Variants in SLC29A1 observed in about 807,000 individuals in gnomAD.
SLC29A1 encodes equilibrative nucleoside transporter 1.
In SLC29A1, 22 loss-of-function variants were observed where a neutral mutation model predicts 48.3. The observed-to-expected ratio is 0.46, with a 90% confidence interval of 0.33 to 0.65. SLC29A1 has a LOEUF of 0.65. SLC29A1 is among the 30% of genes least tolerant of loss of function. The pLI, the probability that SLC29A1 is intolerant of heterozygous loss-of-function variation, is 0.03. For missense variants in SLC29A1, 491 were observed against 575.3 expected, an observed-to-expected ratio of 0.85 and a Z score of 1.50; for synonymous variants, 228 against 231.0, an observed-to-expected ratio of 0.99 and a Z score of 0.12.
In SLC29A1 at chr6:44,229,596, C is replaced by T. The variant is rs1156270197; in HGVS notation, c.119C>T (p.Thr40Ile). ...NFFMTATQYF[T>I]NRLDMSQNVS... ...TCTCTGCAACCCCTGCAGTATTTCACAAACCGCCTGGACATGTCCCAGAAT... is the reference window on the plus strand; with the variant it reads ...TCTCTGCAACCCCTGCAGTATTTCATAAACCGCCTGGACATGTCCCAGAAT... The change falls in exon 4 of 13, where the codon ACA (threonine) becomes ATA (isoleucine). Residue 40 changes from threonine (T) to isoleucine (I), a missense_variant. Thr to Ile is a moderately conservative substitution (Grantham distance 89). Transcript: ENST00000371755. This position sits in a 1 kb window ranked among gnomAD's most constrained non-coding sequence, Gnocchi z 5.1. 6.2e-7 allele frequency: 1 copy of T among 1,614,012 alleles called. No individual in the cohort carries two copies. Among genetic ancestry groups the T allele is most frequent in the African/African-American group, 1.3e-5 (1 of 74,920 alleles).
chr6:44,231,275 C>G, intron 8 of SLC29A1, 89 bp from the exon 9 acceptor site: 1 of 870,660 alleles, frequency 1.1e-6, no homozygotes, highest in Non-Finnish European at 1.9e-6. Flanking sequence ...CGTCTACTTT[C>G]AAGTAATCCC....
chr6:44,227,406 T>C (rs777491871), intron 2 of SLC29A1, 64 bp downstream of exon 2: 21 of 1,429,942 alleles, frequency 1.5e-5, no homozygotes, highest in Non-Finnish European at 2.1e-5. Context: ...GGGTGTGGTG[T>C]CCTTTGGAAT....
rs1778448160 is a variant in SLC29A1 at position 44,229,935 on chromosome 6, A to T, written c.343A>T (p.Ser115Cys). The T allele has an allele frequency of 6.2e-7, 1 of 1,613,536 alleles. No individual in the cohort carries two copies. Among genetic ancestry groups the T allele is most frequent in the African/African-American group, 1.3e-5 (1 of 75,030 alleles). The stretch of plus-strand genomic sequence containing the variant: ...CCCCCAGTCCGTACGGATCCTGGGC[A>T]GCCTGGTGGCCATCCTGCTGGTGTT... ...RIPQSVRILG[S>C]LVAILLVFLI... Residue 115 changes from serine (S) to cysteine (C), a missense_variant, in exon 5 of 13, where the codon AGC (serine) becomes TGC (cysteine). Ser to Cys is a moderately radical substitution (Grantham distance 112, BLOSUM62 -1). Transcript: ENST00000371755. The surrounding 1 kb of genome is among the most constrained non-coding windows in gnomAD (Gnocchi z 5.1).
upstream of SLC29A1, among the ~76,000 whole-genome samples, chr6:44,220,855 T>A (rs1776334222): frequency 1.3e-5 from 2 of 152,194 alleles, no homozygotes; most frequent in South Asian, 4.1e-4. Context: ...CAAACTTATT[T>A]TGATTACATT....
At position 44,233,702 on chromosome 6, in the gene SLC29A1, A is replaced by G; in HGVS notation, c.*174A>G. ...CCCTGGGGAGGGAGCCTCTGGACGG[A>G]CAGTGGGGACATTGTGGGTTTGGGG... is the stretch of plus-strand genomic sequence containing the variant. On this transcript the variant is annotated 3_prime_UTR_variant, in exon 13 of 13. Coordinates refer to ENST00000371755, the MANE Select transcript of SLC29A1 (RefSeq NM_001372327.1). The G allele has an allele frequency of 1.6e-6, 1 of 607,044 alleles. No homozygotes were observed. Among genetic ancestry groups the G allele is most frequent in the East Asian group, 2.8e-5 (1 of 36,034 alleles). The allele number at this position is 607,044 out of a possible 1,614,324, so 37.6% of individuals were successfully genotyped here.
rs746634118 is a variant in SLC29A1, at chr6:44,230,672, A to C, written c.687+7A>C. Reference sequence around the variant, plus strand: ...CCTGGGCCTGCCCCGCCTGGTGAGTAAATGGAGGGAGCTGGGGTTTGGGGT... The same window carrying C: ...CCTGGGCCTGCCCCGCCTGGTGAGTCAATGGAGGGAGCTGGGGTTTGGGGT... On this transcript the variant is annotated splice_region_variant and intron_variant, in intron 7 of 12. Coordinates refer to ENST00000371755, the MANE Select transcript of SLC29A1 (RefSeq NM_001372327.1). 1 of 1,557,868 alleles carries C rather than the reference A, an allele frequency of 6.4e-7. No homozygotes were observed. Among genetic ancestry groups the C allele is most frequent in the Non-Finnish European group, 8.8e-7 (1 of 1,131,616 alleles).
At chr6:44,221,101 C>A (rs1776365700), upstream of SLC29A1, among the ~76,000 whole-genome samples, 4 of 152,224 alleles carry the variant, frequency 2.6e-5, no homozygotes, top group South Asian at 8.3e-4. This position sits in a 1 kb window ranked among gnomAD's most constrained non-coding sequence, Gnocchi z 4.2. Flanking sequence ...CCAGGCTAGT[C>A]TTGAATTCCT....
intron 9 of SLC29A1, among the ~76,000 whole-genome samples, 168 bp downstream of exon 9, chr6:44,231,629 C>T (rs141102002): frequency 2.6e-5 from 4 of 151,990 alleles, no homozygotes; most frequent in African/African-American, 4.8e-5. Context: ...GGTGGGGATT[C>T]GTGGTTCCTT....
chr6:44,232,579 G>GT lies in SLC29A1; in HGVS notation c.1059+152dup. 1.5e-6 allele frequency: 1 copy of GT among 654,826 alleles called. No individual in the cohort carries two copies. Among genetic ancestry groups the GT allele is most frequent in the South Asian group, 1.8e-5 (1 of 54,444 alleles). The allele number at this position is 654,826 out of a possible 1,614,324, so 40.6% of individuals were successfully genotyped here. ...GTATAGTTAAGTACAAGTCTTAAGT[G>GT]TACAACTTAATGAATATATGTATAT... On this transcript the variant is annotated intron_variant, in intron 11 of 12. Coordinates refer to ENST00000371755, the MANE Select transcript of SLC29A1 (RefSeq NM_001372327.1). The surrounding 1 kb of genome is among the most constrained non-coding windows in gnomAD (Gnocchi z 4.7).
Position 44,233,777 on chromosome 6 carries a change from C to T in SLC29A1, c.*249C>T, listed in dbSNP as rs1779392284. On this transcript the variant is annotated 3_prime_UTR_variant, in exon 13 of 13. Transcript: ENST00000371755. Reference sequence around the variant, plus strand: ...GCCTCGGCATTTGCTTGAGTTTCTCCACTCTTGGCTCTGACTGATCCCTGC... The same window carrying T: ...GCCTCGGCATTTGCTTGAGTTTCTCTACTCTTGGCTCTGACTGATCCCTGC... 1 of 536,416 alleles carries T rather than the reference C, an allele frequency of 1.9e-6. No homozygotes were observed. The highest frequency in any genetic ancestry group is 2.2e-5 in the South Asian group (1 of 45,214). The allele number at this position is 536,416 out of a possible 1,614,324, so 33.2% of individuals were successfully genotyped here.
chr6:44,221,569 C>A, upstream of SLC29A1: 3 of 1,203,714 alleles, frequency 2.5e-6, no homozygotes, highest in Non-Finnish European at 3.3e-6. The surrounding 1 kb of genome is among the most constrained non-coding windows in gnomAD (Gnocchi z 4.2). Flanking sequence ...ACCCTTCCCA[C>A]CCCACCCCTT....
chr6:44,233,935 T>G lies in SLC29A1; in HGVS notation c.*407T>G, dbSNP rs972407048. 1.8e-5 allele frequency: 4 copies of G among 218,726 alleles called. No homozygotes were observed. The highest frequency in any genetic ancestry group is 2.8e-5 in the Non-Finnish European group (3 of 108,190). The allele number at this position is 218,726 out of a possible 1,614,324, so 13.5% of individuals were successfully genotyped here. On this transcript the variant is annotated 3_prime_UTR_variant, in exon 13 of 13. Coordinates refer to ENST00000371755, the MANE Select transcript of SLC29A1 (RefSeq NM_001372327.1). ...GGCTAGGAGCTGGGTCTGACCGTTG[T>G]ATGGTTTGACCTGATATACTCCATT... is the stretch of plus-strand genomic sequence containing the variant.
At chr6:44,228,194 C>G (rs544777509) in intron 2 of SLC29A1, among the ~76,000 whole-genome samples, 2 of 152,332 alleles carry the variant, frequency 1.3e-5, no homozygotes, top group East Asian at 3.9e-4. Context: ...GCTCCATTCC[C>G]AGGCTGCCTG....
At chr6:44,222,750 C>T (rs1402457841), upstream of SLC29A1, among the ~76,000 whole-genome samples, 1 of 152,238 alleles carries the variant, frequency 6.6e-6, no homozygotes, top group Admixed American at 6.5e-5. Flanking sequence ...ACATACTCAG[C>T]AAGGCTTCCG....
In SLC29A1 at chr6:44,233,928, A is replaced by T; in HGVS notation, c.*400A>T. ...CTGGGGTGGCTAGGAGCTGGGTCTG[A>T]CCGTTGTATGGTTTGACCTGATATA... On this transcript the variant is annotated 3_prime_UTR_variant, in exon 13 of 13. Transcript: ENST00000371755. The T allele has an allele frequency of 4.6e-6, 1 of 216,338 alleles. No individual in the cohort carries two copies. The allele number at this position is 216,338 out of a possible 1,614,324, so 13.4% of individuals were successfully genotyped here.
At chr6:44,233,112 C>A in intron 12 of SLC29A1, 106 bp downstream of exon 12, 2 of 1,217,722 alleles carry the variant, frequency 1.6e-6, no homozygotes, top group African/African-American at 1.5e-5. Flanking sequence ...GCTCCCAGAG[C>A]TGAGAGGAGA....
chr6:44,223,644 G>A lies in SLC29A1; in HGVS notation c.-52+3G>A. ...CGGGAGCAGTGCTTCTGCGGCAGGT[G>A]CTGCCCGGGGCCGGGGACTGGGGAC... On this transcript the variant is annotated splice_donor_region_variant and intron_variant, in intron 1 of 12. Coordinates refer to ENST00000371755, the MANE Select transcript of SLC29A1 (RefSeq NM_001372327.1). This position sits in a 1 kb window ranked among gnomAD's most constrained non-coding sequence, Gnocchi z 5.0. 8.3e-7 allele frequency: 1 copy of A among 1,204,316 alleles called. No homozygotes were observed. Among genetic ancestry groups the A allele is most frequent in the Admixed American group, 3.0e-5 (1 of 33,232 alleles). 74.6% of individuals were successfully genotyped at this position (1,204,316 alleles called of 1,614,324 possible).
At position 44,233,665 on chromosome 6, in the gene SLC29A1, C is replaced by T. The variant is rs571306317; in HGVS notation, c.*137C>T. ...TGCTTTCCACGGCGTGTGCTGGGCC[C>T]GGATCTCCAGGCCCTGGGGAGGGAG... On this transcript the variant is annotated 3_prime_UTR_variant, in exon 13 of 13. Transcript: ENST00000371755. The T allele has an allele frequency of 7.5e-5, 52 of 691,546 alleles. No homozygotes were observed. The highest frequency in any genetic ancestry group is 4.5e-4 in the South Asian group (26 of 57,444). 42.8% of individuals were successfully genotyped at this position (691,546 alleles called of 1,614,324 possible). A position where few individuals can be genotyped will look rare whatever the true frequency, so the allele number is the denominator to read the frequency against.
intron 1 of SLC29A1, among the ~76,000 whole-genome samples, chr6:44,225,132 T>C (rs758520066): frequency 7.2e-5 from 11 of 152,164 alleles, no homozygotes; most frequent in Admixed American, 2.0e-4. Flanking sequence ...CTGCCAGGAA[T>C]CTTGCCTGTG....
Sources: allele counts gnomAD v4.1 joint callset (sites outside exome capture counted in the v4.1 genomes callset), GRCh38; gene constraint gnomAD v4.1.1; non-coding constraint Gnocchi (gnomAD v3.1); transcripts MANE v1.5; gene names NCBI Gene and HGNC (gene_info 2026-07-23, HGNC 2026-07-21).